Variants in SEMA6D observed in about 807,000 individuals in gnomAD.
SEMA6D encodes the protein semaphorin-6D.
Under a neutral mutation model 106.6 loss-of-function variants are expected in SEMA6D, and 35 were observed. The observed-to-expected ratio is 0.33, with a 90% CI of 0.25 to 0.44. SEMA6D has a LOEUF of 0.44. Ranked by LOEUF, SEMA6D falls within the 20% of genes least tolerant of loss-of-function variation. The pLI, the probability that SEMA6D is intolerant of heterozygous loss-of-function variation, is 1.00. For missense variants in SEMA6D, 1,185 were observed against 1,345.9 expected (o/e 0.88, Z 1.87); for synonymous variants, 499 against 487.7 (o/e 1.02, Z -0.31).
chr15:47,762,117 C>T (rs2082090399), intron 7 of SEMA6D, 83 bp from the exon 8 acceptor site: 1 of 1,531,636 alleles, frequency 6.5e-7, no homozygotes, highest in Non-Finnish European at 9.0e-7. Context: ...TGAGAGCGCT[C>T]CAAAGGGCAT....
At chr15:47,199,537 G>T (rs887619244) in intron 1 of SEMA6D, among the ~76,000 whole-genome samples, 1 of 152,134 alleles carries the variant, frequency 6.6e-6, no homozygotes, top group Admixed American at 6.6e-5. Flanking sequence ...AAGTGGATAT[G>T]TACATGGGTC....
intron 1 of SEMA6D, among the ~76,000 whole-genome samples, chr15:47,264,744 A>G (rs2034238005): frequency 6.6e-6 from 1 of 151,992 alleles, no homozygotes; most frequent in African/African-American, 2.4e-5. Flanking sequence ...TGGGTTTTTC[A>G]TTAATGTTCT....
chr15:47,415,273 T>C (rs1445815067), intron 2 of SEMA6D, among the ~76,000 whole-genome samples: 1 of 152,298 alleles, frequency 6.6e-6, no homozygotes, highest in African/African-American at 2.4e-5. Flanking sequence ...ATTTTTAGTG[T>C]TCTTAATGCA....
At chr15:47,280,233 A>C (rs900633912) in intron 1 of SEMA6D, among the ~76,000 whole-genome samples, 2 of 151,932 alleles carry the variant, frequency 1.3e-5, no homozygotes, top group South Asian at 2.1e-4. Context: ...CAGAGATTCA[A>C]CTTCTTCCTG....
At chr15:47,644,495 A>T (rs2077545147) in intron 4 of SEMA6D, among the ~76,000 whole-genome samples, 1 of 152,172 alleles carries the variant, frequency 6.6e-6, no homozygotes, top group Admixed American at 6.5e-5. Flanking sequence ...GGTGCTGCCA[A>T]TGTGATAGTA....
At chr15:47,591,413 C>T (rs2076437112) in intron 3 of SEMA6D, among the ~76,000 whole-genome samples, 1 of 152,150 alleles carries the variant, frequency 6.6e-6, no homozygotes. Context: ...CTCCACATGA[C>T]AGGTGCTTCA....
In SEMA6D at chr15:47,771,420, G is replaced by T; in HGVS notation, c.2857G>T (p.Val953Phe). The stretch of plus-strand genomic sequence containing the variant: ...AGTGGATGTCCCCACCACTCCTGGA[G>T]TCCCAATGACTTCTCTGGAAAGACA... ...KRVDVPTTPG[V>F]PMTSLERQRG... Residue 953 changes from valine (V) to phenylalanine (F), a missense_variant, in exon 19 of 19, where the codon GTC becomes TTC. By Grantham distance (50) the Val-to-Phe change is conservative. This residue lies in a region of SEMA6D where 750 missense variants were observed against 783.5 expected (regional missense o/e 0.96). Transcript: ENST00000536845. 3 of 1,614,088 alleles carry T rather than the reference G, an allele frequency of 1.9e-6. No individual in the cohort carries two copies. Among genetic ancestry groups the T allele is most frequent in the Non-Finnish European group, 2.5e-6 (3 of 1,180,006 alleles).
At chr15:47,300,281 G>C (rs933188379) in intron 1 of SEMA6D, among the ~76,000 whole-genome samples, 1 of 152,142 alleles carries the variant, frequency 6.6e-6, no homozygotes, top group East Asian at 1.9e-4. Context: ...TGTATTGTCT[G>C]TAGTGCCAAG....
At chr15:47,233,622 A>G (rs1442708058) in intron 1 of SEMA6D, among the ~76,000 whole-genome samples, 2 of 151,850 alleles carry the variant, frequency 1.3e-5, no homozygotes, top group African/African-American at 2.4e-5. Flanking sequence ...CAGTATTTAA[A>G]TCTTTTACTT....
At chr15:47,354,199 CTATATATATATA>C (rs58550689) in intron 1 of SEMA6D, among the ~76,000 whole-genome samples, 1 of 70,318 alleles carries the variant, frequency 1.4e-5, no homozygotes, top group Non-Finnish European at 4.3e-5. Flanking sequence ...CTCTCTCTCT[CTATATATATATA>C]TATATATATA....
At chr15:47,417,326 C>T (rs542525859) in intron 2 of SEMA6D, among the ~76,000 whole-genome samples, 1 of 151,956 alleles carries the variant, frequency 6.6e-6, no homozygotes, top group Admixed American at 6.6e-5. Flanking sequence ...ATCCTCATAT[C>T]AGGCAAGAAG....
intron 4 of SEMA6D, among the ~76,000 whole-genome samples, chr15:47,608,940 A>C (rs993895619): frequency 6.6e-6 from 1 of 152,078 alleles, no homozygotes; most frequent in South Asian, 2.1e-4. Flanking sequence ...ATTACGGAAC[A>C]CTCTGCTTTT....
chr15:47,189,548 G>A (rs1006084545), intron 1 of SEMA6D, among the ~76,000 whole-genome samples: 1 of 152,056 alleles, frequency 6.6e-6, no homozygotes, highest in Non-Finnish European at 1.5e-5. Flanking sequence ...CTAAATTATC[G>A]ACCCAAGGAG....
intron 1 of SEMA6D, among the ~76,000 whole-genome samples, chr15:47,217,307 C>T (rs957340928): frequency 1.3e-5 from 2 of 152,112 alleles, no homozygotes; most frequent in African/African-American, 2.4e-5. Context: ...GTACCATTAA[C>T]CCAACAACCT....
chr15:47,463,299 A>G (rs1463434586), intron 2 of SEMA6D, among the ~76,000 whole-genome samples: 3 of 152,152 alleles, frequency 2.0e-5, no homozygotes, highest in African/African-American at 7.2e-5. Flanking sequence ...ACAGTTATCC[A>G]CATACATGCA....
chr15:47,391,838 A>G (rs1274001465), intron 1 of SEMA6D, among the ~76,000 whole-genome samples: 1 of 152,112 alleles, frequency 6.6e-6, no homozygotes, highest in Non-Finnish European at 1.5e-5. Flanking sequence ...ACATTTTTAG[A>G]AAAATTGGAA....
At chr15:47,424,492 C>T (rs183635097) in intron 2 of SEMA6D, among the ~76,000 whole-genome samples, 2 of 152,132 alleles carry the variant, frequency 1.3e-5, no homozygotes, top group Non-Finnish European at 1.5e-5. Flanking sequence ...TAGAGCCTAT[C>T]GGTTTGTAAT....
intron 1 of SEMA6D, among the ~76,000 whole-genome samples, chr15:47,407,419 A>G (rs1008658326): frequency 6.7e-6 from 1 of 149,088 alleles, no homozygotes; most frequent in African/African-American, 2.5e-5. Context: ...CAAAAAAAAC[A>G]AAAAAAACAA....
intron 1 of SEMA6D, among the ~76,000 whole-genome samples, chr15:47,220,953 T>C (rs1296301754): frequency 6.6e-6 from 1 of 152,196 alleles, no homozygotes; most frequent in African/African-American, 2.4e-5. Context: ...ATAACCACAA[T>C]GTTAATATAT....
Sources: gnomAD v4.1 joint callset for allele counts (sites outside exome capture counted in the v4.1 genomes callset) on GRCh38, gnomAD v4.1.1 for gene constraint, gnomAD v4.1.1 regional missense constraint, MANE v1.5 for transcripts, NCBI Gene and HGNC (gene_info 2026-07-23, HGNC 2026-07-21) for gene names.